Variants in DNMT3B observed in about 807,000 individuals in gnomAD.
DNMT3B encodes DNA methyltransferase 3 beta.
Under a neutral mutation model 120.2 loss-of-function variants are expected in DNMT3B, and 37 were observed. The ratio of observed to expected loss-of-function variants is 0.31; its 90% CI spans 0.24 to 0.40. DNMT3B has a LOEUF of 0.40. Among genes scored for constraint, DNMT3B ranks in the 10% least tolerant of loss-of-function variants. DNMT3B has a pLI of 1.00. For synonymous variants in DNMT3B, 412 were observed against 442.8 expected (o/e 0.93, Z 0.87); for missense variants, 878 against 1,137.3 (o/e 0.77, Z 3.28).
In DNMT3B at chr20:32,806,340, G is replaced by C; in HGVS notation, c.2420+13G>C. ...CTGAGCTCGAAAGGTGAGCAAGGCTGCACTTGGAGAGGGAAACTGTGTAGA... is the reference window on the plus strand; with the variant it reads ...CTGAGCTCGAAAGGTGAGCAAGGCTCCACTTGGAGAGGGAAACTGTGTAGA... On this transcript the variant is annotated intron_variant, in intron 22 of 22. Transcript: ENST00000328111. The C allele has an allele frequency of 5.0e-6, 8 of 1,612,288 alleles. No homozygotes were observed. In the South Asian group the frequency reaches 8.8e-5, roughly 18 times the overall value.
intron 16 of DNMT3B, 103 bp from the exon 17 acceptor site, chr20:32,800,050 C>A: frequency 6.6e-7 from 1 of 1,516,324 alleles, no homozygotes. Flanking sequence ...GCATGTGATA[C>A]AGTCATGAGG....
In DNMT3B at chr20:32,799,222, G is replaced by A. The variant is rs749399809; in HGVS notation, c.1675-22G>A. ...CTTTGCCCTGTGCCTTCACCACCATGACCTCCTTCCTTACCTGGCAGGAAG... is the reference window on the plus strand; with the variant it reads ...CTTTGCCCTGTGCCTTCACCACCATAACCTCCTTCCTTACCTGGCAGGAAG... On this transcript the variant is annotated intron_variant, in intron 15 of 22. Coordinates refer to ENST00000328111, the MANE Select transcript of DNMT3B (RefSeq NM_006892.4). The A allele has an allele frequency of 1.7e-5, 28 of 1,604,766 alleles. 1 individual carries two copies. The Middle Eastern group carries it at 8.2e-4, about 47-fold the overall frequency.
chr20:32,783,058 G>A (rs761928187), intron 3 of DNMT3B, among the ~76,000 whole-genome samples: 2 of 152,050 alleles, frequency 1.3e-5, no homozygotes, highest in African/African-American at 2.4e-5. Context: ...CGAGTAGCTG[G>A]GACTACAGGC....
intron 15 of DNMT3B, among the ~76,000 whole-genome samples, chr20:32,799,014 G>T (rs1164535290): frequency 6.6e-6 from 1 of 152,220 alleles, no homozygotes; most frequent in East Asian, 1.9e-4. Context: ...GTGTGCCTCT[G>T]TGCATACATA....
intron 21 of DNMT3B, among the ~76,000 whole-genome samples, 166 bp from the exon 22 acceptor site, chr20:32,806,018 CCCTGCCCTGCCATTCCTCTCCCGCG>C (rs1241534541): frequency 1.3e-5 from 2 of 152,110 alleles, no homozygotes; most frequent in Admixed American, 6.5e-5. Context: ...GCTTTTCGCT[CCCTGCCCTGCCATTCCTCTCCCGCG>C]CCTGCCCTCT....
intron 8 of DNMT3B, among the ~76,000 whole-genome samples, chr20:32,792,016 T>C (rs1479191209): frequency 6.6e-6 from 1 of 152,114 alleles, no homozygotes; most frequent in Non-Finnish European, 1.5e-5. Flanking sequence ...CTTATGAGGG[T>C]TGGAGTTCAC....
intron 1 of DNMT3B, among the ~76,000 whole-genome samples, chr20:32,778,837 C>T (rs1395019416): frequency 6.6e-6 from 1 of 152,190 alleles, no homozygotes; most frequent in Non-Finnish European, 1.5e-5. Flanking sequence ...CCTGTGGGCC[C>T]AGCTGGAGGA....
intron 20 of DNMT3B, among the ~76,000 whole-genome samples, chr20:32,804,228 G>A (rs920330021): frequency 3.9e-5 from 6 of 152,198 alleles, no homozygotes; most frequent in Non-Finnish European, 2.9e-5. Context: ...TAGGATGGGT[G>A]TGTCAGGCAT....
At chr20:32,763,256 G>A (rs948638347) in intron 1 of DNMT3B, among the ~76,000 whole-genome samples, 1 of 152,208 alleles carries the variant, frequency 6.6e-6, no homozygotes, top group African/African-American at 2.4e-5. Flanking sequence ...CCAGCTTTAG[G>A]AAAGAGCTCG....
chr20:32,787,503 G>A (rs1477357080), intron 6 of DNMT3B, 52 bp downstream of exon 6: 2 of 1,574,848 alleles, frequency 1.3e-6, no homozygotes, highest in South Asian at 2.3e-5. Context: ...CTGAACACGG[G>A]GAAAAACCAG....
chr20:32,764,286 A>C (rs1443363018), intron 1 of DNMT3B, among the ~76,000 whole-genome samples: 2 of 152,204 alleles, frequency 1.3e-5, no homozygotes, highest in Non-Finnish European at 2.9e-5. Flanking sequence ...TGCGTGAATT[A>C]ACCTCTTCAG....
intron 1 of DNMT3B, among the ~76,000 whole-genome samples, chr20:32,767,533 C>G (rs562097578): frequency 1.3e-5 from 2 of 151,880 alleles, no homozygotes; most frequent in Admixed American, 6.6e-5. Context: ...GGGCTCATTC[C>G]AGTATCCTCC....
Position 32,808,141 on chromosome 20 carries a change from C to T in DNMT3B, c.*238C>T, listed in dbSNP as rs1982168946. ...GCTTGGAGCAGCCTAACACGGTGCT[C>T]ATTTTTTCTTCTCCTAAAACTTTAA... On this transcript the variant is annotated 3_prime_UTR_variant, in exon 23 of 23. Transcript: ENST00000328111. The T allele has an allele frequency of 1.4e-5, 8 of 590,490 alleles. No homozygotes were observed. Among genetic ancestry groups the T allele is most frequent in the South Asian group, 1.3e-4 (6 of 47,820 alleles). The allele number at this position is 590,490 out of a possible 1,614,324, so 36.6% of individuals were successfully genotyped here.
chr20:32,804,429 G>A (rs1263377842), intron 20 of DNMT3B, among the ~76,000 whole-genome samples: 1 of 152,130 alleles, frequency 6.6e-6, no homozygotes, highest in Non-Finnish European at 1.5e-5. Context: ...ATCAGTCTAG[G>A]GGAAATATGT....
At position 32,762,510 on chromosome 20, in the gene DNMT3B, C is replaced by A. The variant is rs1287894917; in HGVS notation, c.-196C>A. Reference sequence around the variant, plus strand: ...CGGACGGGACCGGCTCCCTGGCGGTCGGGCGAGCGGGCGGCAACGCTGCCC... The same window carrying A: ...CGGACGGGACCGGCTCCCTGGCGGTAGGGCGAGCGGGCGGCAACGCTGCCC... On this transcript the variant is annotated 5_prime_UTR_variant, in exon 1 of 23. Transcript: ENST00000328111. The A allele has an allele frequency of 7.1e-6, 2 of 282,142 alleles. No homozygotes were observed. Among genetic ancestry groups the A allele is most frequent in the South Asian group, 2.8e-5 (1 of 35,442 alleles). The allele number at this position is 282,142 out of a possible 1,614,324, so 17.5% of individuals were successfully genotyped here.
At chr20:32,807,552 T>C (rs1209974352) in intron 22 of DNMT3B, among the ~76,000 whole-genome samples, 1 of 152,204 alleles carries the variant, frequency 6.6e-6, no homozygotes, top group Admixed American at 6.5e-5. Flanking sequence ...AAGAGTATGG[T>C]GCTAGGCCTG....
chr20:32,801,488 GTGA>G, intron 19 of DNMT3B, 62 bp downstream of exon 19: 1 of 1,604,704 alleles, frequency 6.2e-7, no homozygotes, highest in Non-Finnish European at 8.5e-7. Context: ...GCTGCTGGCA[GTGA>G]TGATTGGTGG....
intron 18 of DNMT3B, 70 bp from the exon 19 acceptor site, chr20:32,801,208 C>G (rs1457042392): frequency 6.2e-7 from 1 of 1,610,138 alleles, no homozygotes; most frequent in African/African-American, 1.3e-5. Context: ...ACCTGCTGGT[C>G]TCAGGGAATA....
At chr20:32,787,820 GC>G (rs996110616) in intron 6 of DNMT3B, among the ~76,000 whole-genome samples, 1 of 152,158 alleles carries the variant, frequency 6.6e-6, no homozygotes, top group African/African-American at 2.4e-5. Context: ...GTGCAGGTGG[GC>G]TGAGTCCAAA....
Sources: gnomAD v4.1 joint callset for allele counts (sites outside exome capture counted in the v4.1 genomes callset) on GRCh38, gnomAD v4.1.1 for gene constraint, MANE v1.5 for transcripts, NCBI Gene and HGNC (gene_info 2026-07-23, HGNC 2026-07-21) for gene names.